The following WDHD1 variants were observed in gnomAD, a reference collection of about 807,000 sequenced individuals.
WDHD1 encodes the protein WD repeat and HMG-box DNA binding protein 1.
A neutral mutation model predicts 135.4 loss-of-function variants in WDHD1; 111 were observed. That is an observed-to-expected ratio of 0.82 (90% CI 0.70 to 0.96). The LOEUF (loss-of-function observed/expected upper bound fraction) is 0.96. WDHD1 is among the 40% of genes least tolerant of loss of function. The pLI is 0.00. For synonymous variants in WDHD1, 434 were observed against 439.0 expected, an observed-to-expected ratio of 0.99 and a Z score of 0.14; for missense variants, 1,351 against 1,336.3, an observed-to-expected ratio of 1.01 and a Z score of -0.17.
intron 15 of WDHD1, 150 bp from the exon 16 acceptor site, chr14:54,981,846 AATTTCATTAACCATATAAAG>A (rs2041623434): frequency 2.1e-6 from 1 of 483,800 alleles, no homozygotes; most frequent in East Asian, 3.3e-5. Flanking sequence ...TATTACGTAA[AATTTCATTAACCATATAAAG>A]TAAGACCTAA....
intron 7 of WDHD1, chr14:55,004,794 G>A (rs557184501): frequency 4.6e-6 from 2 of 436,888 alleles, no homozygotes; most frequent in East Asian, 1.2e-4. Context: ...TGTTGCTTAA[G>A]AGCCTGTGCA....
At chr14:54,944,272 T>G (rs1011393401) in intron 25 of WDHD1, 60 bp downstream of exon 25, 10 of 1,589,966 alleles carry the variant, frequency 6.3e-6, no homozygotes, top group Non-Finnish European at 8.5e-6. Context: ...GGCATTTCTA[T>G]AAGAATTTTT....
intron 24 of WDHD1, among the ~76,000 whole-genome samples, chr14:54,949,432 C>T (rs557257456): frequency 4.6e-5 from 7 of 151,742 alleles, no homozygotes; most frequent in Non-Finnish European, 8.8e-5. Flanking sequence ...TGAAATGAAG[C>T]GAGAAGAAAA....
Position 55,010,964 on chromosome 14 carries a change from T to C in WDHD1, c.190-504A>G, listed in dbSNP as rs140186646. 9.5e-3 allele frequency among the ~76,000 whole-genome samples: 1,451 copies of C among 152,272 alleles called. 11 individuals carry two copies. The highest frequency in any genetic ancestry group is 0.014 in the Non-Finnish European group (959 of 68,028). ...CCTACAAGGCAAGGAATGTTGAGGA[T>C]TGCCACACCACCAGAACCCAGAAGA... On this transcript the variant is annotated intron_variant, in intron 3 of 25. Coordinates refer to ENST00000360586, the MANE Select transcript of WDHD1 (RefSeq NM_007086.4).
intron 11 of WDHD1, among the ~76,000 whole-genome samples, chr14:54,993,460 C>T (rs1008564932): frequency 4.6e-5 from 7 of 152,166 alleles, no homozygotes; most frequent in Admixed American, 4.6e-4. Flanking sequence ...TAAGAGTTCA[C>T]TGAAGTTTTC....
At chr14:54,970,655 A>G (rs1595079432) in intron 16 of WDHD1, among the ~76,000 whole-genome samples, 1 of 151,948 alleles carries the variant, frequency 6.6e-6, no homozygotes, top group African/African-American at 2.4e-5. Flanking sequence ...GAAGAAAGAA[A>G]AAGACCATAC....
intron 2 of WDHD1, among the ~76,000 whole-genome samples, chr14:55,024,018 ACTTTTT>A (rs2042392187): frequency 6.6e-6 from 1 of 152,198 alleles, no homozygotes; most frequent in African/African-American, 2.4e-5. Context: ...CTCATGACAT[ACTTTTT>A]CTTAATTTTT....
intron 20 of WDHD1, 37 bp from the exon 21 acceptor site, chr14:54,962,588 G>T: frequency 1.3e-6 from 2 of 1,560,850 alleles, no homozygotes; most frequent in Non-Finnish European, 1.8e-6. Context: ...TGTAAATGGG[G>T]AAAATATAGT....
At chr14:54,974,289 T>TA (rs2041486384) in intron 16 of WDHD1, among the ~76,000 whole-genome samples, 1 of 151,716 alleles carries the variant, frequency 6.6e-6, no homozygotes, top group African/African-American at 2.4e-5. Context: ...AAAAATTTGC[T>TA]AGGCATGGCA....
At chr14:54,989,294 A>C (rs2041747045) in intron 12 of WDHD1, 82 bp from the exon 13 acceptor site, 1 of 964,152 alleles carries the variant, frequency 1.0e-6, no homozygotes, top group Non-Finnish European at 1.5e-6. Flanking sequence ...ACAAATTAAC[A>C]AATATTATAA....
intron 18 of WDHD1, among the ~76,000 whole-genome samples, chr14:54,965,080 C>T (rs1429546881): frequency 5.3e-5 from 8 of 152,110 alleles, no homozygotes; most frequent in Non-Finnish European, 1.2e-4. Context: ...TCTCATATAC[C>T]ACTTTTCTCT....
chr14:54,953,176 G>C (rs572715096), intron 24 of WDHD1, among the ~76,000 whole-genome samples: 9 of 152,268 alleles, frequency 5.9e-5, no homozygotes, highest in East Asian at 1.9e-4. Flanking sequence ...ACTACCATCA[G>C]AGTGAACAGG....
At chr14:54,953,199 C>A (rs1480975962) in intron 24 of WDHD1, among the ~76,000 whole-genome samples, 2 of 151,982 alleles carry the variant, frequency 1.3e-5, no homozygotes, top group East Asian at 3.9e-4. Context: ...ACCTACAGAA[C>A]GGGAAAAAAT....
chr14:54,992,890 G>A (rs1469526116), intron 11 of WDHD1, among the ~76,000 whole-genome samples: 1 of 152,092 alleles, frequency 6.6e-6, no homozygotes, highest in Non-Finnish European at 1.5e-5. Context: ...TCCAGCCTAG[G>A]TGACAGAGCA....
intron 15 of WDHD1, 92 bp from the exon 16 acceptor site, chr14:54,981,788 C>A (rs2041622829): frequency 1.3e-6 from 1 of 751,398 alleles, no homozygotes; most frequent in Non-Finnish European, 2.1e-6. Flanking sequence ...AAGGATTCAA[C>A]TTTGCTTTCA....
intron 3 of WDHD1, 98 bp from the exon 4 acceptor site, chr14:55,010,558 A>T (rs2042152258): frequency 9.3e-7 from 1 of 1,072,162 alleles, no homozygotes; most frequent in East Asian, 3.0e-5. Context: ...AAAAAACCTT[A>T]AAAATCTAGT....
rs548853249 is a variant in WDHD1, at chr14:54,944,557, T to C, written c.3051-87A>G. 13 of 1,257,296 alleles carry C rather than the reference T, an allele frequency of 1.0e-5. No individual in the cohort carries two copies. The South Asian group carries it at 2.2e-4, about 21-fold the overall frequency. 77.9% of individuals were successfully genotyped at this position (1,257,296 alleles called of 1,614,324 possible). ...TTTTAAGTTAGTAATCAACCATAAG[T>C]CTCTGACATCTATTATATAAAGTAA... On this transcript the variant is annotated intron_variant, in intron 24 of 25. Transcript: ENST00000360586.
chr14:54,965,583 G>C (rs60642784), intron 18 of WDHD1, among the ~76,000 whole-genome samples: 3 of 152,168 alleles, frequency 2.0e-5, no homozygotes, highest in Non-Finnish European at 4.4e-5. Flanking sequence ...TTAAAACATA[G>C]ACTGATGGGC....
intron 6 of WDHD1, among the ~76,000 whole-genome samples, chr14:55,007,911 C>G (rs767569925): frequency 6.6e-6 from 1 of 152,166 alleles, no homozygotes; most frequent in African/African-American, 2.4e-5. Context: ...TTCGTACCTC[C>G]TTTAAAACCT....
Sources: gnomAD v4.1 joint callset for allele counts (sites outside exome capture counted in the v4.1 genomes callset) on GRCh38, gnomAD v4.1.1 for gene constraint, MANE v1.5 for transcripts, NCBI Gene and HGNC (gene_info 2026-07-23, HGNC 2026-07-21) for gene names.